CDH18: variants seen among roughly 807,000 people sequenced by gnomAD.
CDH18 encodes the protein cadherin 18, also known as cadherin-18.
CDH18 carries 31 observed loss-of-function variants against 67.9 expected under a neutral mutation model. That is an observed-to-expected ratio of 0.46 (90% CI 0.34 to 0.62). The LOEUF (loss-of-function observed/expected upper bound fraction) is 0.62, where lower values mean the gene tolerates loss of function less well. Among genes scored for constraint, CDH18 ranks in the 20% least tolerant of loss-of-function variants. CDH18 has a pLI of 0.01. For synonymous variants in CDH18, 362 were observed against 347.2 expected, an observed-to-expected ratio of 1.04 and a Z score of -0.48; for missense variants, 890 against 975.5, an observed-to-expected ratio of 0.91 and a Z score of 1.17.
rs574567231 is a variant in CDH18, at chr5:19,959,751, C to T, written c.-257+21309G>A. ...AGGAATGTGTTCTGAGAAATACACC[C>T]TTCAATGATTTCATTCTTGTATGAA... On this transcript the variant is annotated intron_variant, in intron 2 of 12. Transcript: ENST00000382275. 6.6e-5 allele frequency among the ~76,000 whole-genome samples: 10 copies of T among 152,118 alleles called. No homozygotes were observed. The South Asian group carries it at 1.0e-3, about 16-fold the overall frequency.
chr5:20,523,604 G>A (rs1278334335), intron 1 of CDH18, among the ~76,000 whole-genome samples: 2 of 152,094 alleles, frequency 1.3e-5, no homozygotes, highest in Non-Finnish European at 2.9e-5. Context: ...GCAATGACGC[G>A]ATCTCCAGTC....
At chr5:20,319,967 T>A (rs1737846072) in intron 1 of CDH18, among the ~76,000 whole-genome samples, 2 of 152,312 alleles carry the variant, frequency 1.3e-5, no homozygotes, top group South Asian at 4.1e-4. Context: ...TCTTTTGATA[T>A]GTCTGCATGA....
intron 11 of CDH18, among the ~76,000 whole-genome samples, chr5:19,497,059 A>C (rs987232158): frequency 2.0e-5 from 3 of 151,998 alleles, no homozygotes; most frequent in Non-Finnish European, 4.4e-5. Context: ...ACATTCAATA[A>C]AAAATTCTCT....
intron 1 of CDH18, among the ~76,000 whole-genome samples, chr5:20,435,177 A>C (rs2150181913): frequency 6.6e-6 from 1 of 152,108 alleles, no homozygotes; most frequent in East Asian, 1.9e-4. Flanking sequence ...TCAAAGAAAA[A>C]GGCGTTTTGC....
At chr5:20,019,734 C>A (rs775463200) in intron 2 of CDH18, among the ~76,000 whole-genome samples, 24 of 152,080 alleles carry the variant, frequency 1.6e-4, no homozygotes, top group Non-Finnish European at 2.6e-4. Context: ...TCCTTTATAG[C>A]AATGAAAGAA....
intron 2 of CDH18, among the ~76,000 whole-genome samples, chr5:19,867,269 A>C (rs1378470821): frequency 1.3e-5 from 2 of 152,114 alleles, no homozygotes; most frequent in African/African-American, 4.8e-5. Flanking sequence ...ATTATGTGGG[A>C]CCCTTTAGGA....
intron 10 of CDH18, among the ~76,000 whole-genome samples, chr5:19,516,373 T>G (rs1561245752): frequency 6.6e-6 from 1 of 152,190 alleles, no homozygotes; most frequent in Non-Finnish European, 1.5e-5. Flanking sequence ...TAAAATGAGT[T>G]TGGGAGGATT....
chr5:20,250,259 T>A (rs1580583823), intron 2 of CDH18, among the ~76,000 whole-genome samples: 1 of 151,220 alleles, frequency 6.6e-6, no homozygotes, highest in South Asian at 2.1e-4. Flanking sequence ...GTTTCAGTAA[T>A]GTTGGAGTCT....
intron 1 of CDH18, among the ~76,000 whole-genome samples, chr5:20,570,506 T>C (rs1043742953): frequency 6.6e-6 from 1 of 152,222 alleles, no homozygotes; most frequent in Non-Finnish European, 1.5e-5. Flanking sequence ...TTTTAACCTA[T>C]GAGTGACATT....
intron 2 of CDH18, among the ~76,000 whole-genome samples, chr5:20,088,431 T>A (rs914340026): frequency 1.3e-5 from 2 of 152,210 alleles, no homozygotes; most frequent in African/African-American, 4.8e-5. Flanking sequence ...TAGCAATTTA[T>A]TGGAAAATAC....
chr5:19,665,073 A>T (rs1438079313), intron 5 of CDH18, among the ~76,000 whole-genome samples: 2 of 152,040 alleles, frequency 1.3e-5, no homozygotes, highest in Non-Finnish European at 2.9e-5. Flanking sequence ...TATAAAAATA[A>T]TTTTTAAAAA....
At chr5:20,188,561 T>C (rs889192645) in intron 2 of CDH18, among the ~76,000 whole-genome samples, 2 of 151,970 alleles carry the variant, frequency 1.3e-5, no homozygotes, top group Admixed American at 6.6e-5. Flanking sequence ...GCTAAGTACT[T>C]TATGTACTCC....
intron 6 of CDH18, among the ~76,000 whole-genome samples, chr5:19,600,258 T>C (rs1746892208): frequency 6.6e-6 from 1 of 150,948 alleles, no homozygotes; most frequent in Non-Finnish European, 1.5e-5. Flanking sequence ...AAATGACGAG[T>C]TAATGGGTGC....
intron 8 of CDH18, among the ~76,000 whole-genome samples, chr5:19,571,304 T>G (rs997623490): frequency 7.9e-5 from 12 of 152,144 alleles, no homozygotes; most frequent in Non-Finnish European, 1.5e-4. Flanking sequence ...TCTACAACAA[T>G]TTTCTCAATC....
At chr5:19,719,501 G>T (rs1220673129) in intron 5 of CDH18, among the ~76,000 whole-genome samples, 2 of 151,880 alleles carry the variant, frequency 1.3e-5, no homozygotes, top group Admixed American at 1.3e-4. Flanking sequence ...CACCATTAAA[G>T]AATGGCGAGC....
intron 1 of CDH18, among the ~76,000 whole-genome samples, chr5:20,266,095 G>A (rs115873919): frequency 6.6e-6 from 1 of 152,150 alleles, no homozygotes; most frequent in Admixed American, 6.5e-5. Flanking sequence ...ATCTCCCCTG[G>A]TTCTCAGGCT....
chr5:19,591,065 A>G lies in CDH18; in HGVS notation c.991T>C (p.Leu331=), dbSNP rs17285716. Residue 331 remains leucine (L), a synonymous_variant, in exon 7 of 13, where the codon TTA becomes CTA. Coordinates refer to ENST00000382275, the MANE Select transcript of CDH18 (RefSeq NM_004934.5). ...AAGTATGTTCTTTTTACCTTCTTTA[A>G]AGAAAGGATTCCTTCTCTGGTCTCT... The part of the protein sequence containing the change: ...DKETREGILS[L]KKPLNYEKKK... The G allele has an allele frequency of 0.18, 275,676 of 1,573,662 alleles. 26,539 individuals carry two copies. The highest frequency in any genetic ancestry group is 0.22 in the Admixed American group (11,615 of 53,644).
chr5:19,823,119 CTGAACA>C (rs1780052064), intron 3 of CDH18, among the ~76,000 whole-genome samples: 1 of 152,208 alleles, frequency 6.6e-6, no homozygotes, highest in Non-Finnish European at 1.5e-5. Context: ...GTCTTGTTCC[CTGAACA>C]TTGCTGTTAA....
chr5:20,041,657 C>A (rs1561741082), intron 2 of CDH18, among the ~76,000 whole-genome samples: 1 of 152,016 alleles, frequency 6.6e-6, no homozygotes, highest in African/African-American at 2.4e-5. Context: ...GTGATGATCT[C>A]GGTACTTTTG....
Sources: allele counts gnomAD v4.1 joint callset (sites outside exome capture counted in the v4.1 genomes callset), GRCh38; gene constraint gnomAD v4.1.1; transcripts MANE v1.5; gene names NCBI Gene and HGNC (gene_info 2026-07-23, HGNC 2026-07-21).